OR9Q1: variants seen among roughly 807,000 people sequenced by gnomAD.
OR9Q1 encodes the protein olfactory receptor family 9 subfamily Q member 1, also known as olfactory receptor 9Q1.
For synonymous variants in OR9Q1, 153 were observed against 148.6 expected, an observed-to-expected ratio of 1.03 and a Z score of -0.22; for missense variants, 374 against 378.8, an observed-to-expected ratio of 0.99 and a Z score of 0.11.
chr11:58,147,934 T>C (rs1404574047), intron 2 of OR9Q1, among the ~76,000 whole-genome samples: 1 of 152,152 alleles, frequency 6.6e-6, no homozygotes, highest in East Asian at 1.9e-4. Flanking sequence ...TCTGGCATTG[T>C]TTTCTTTTTT....
intron 2 of OR9Q1, among the ~76,000 whole-genome samples, chr11:58,126,796 G>T (rs1854094455): frequency 6.6e-6 from 1 of 152,176 alleles, no homozygotes; most frequent in Non-Finnish European, 1.5e-5. Flanking sequence ...GAATATGCCA[G>T]TAATAAGAAT....
intron 2 of OR9Q1, among the ~76,000 whole-genome samples, chr11:58,154,352 G>T (rs1399130996): frequency 6.7e-6 from 1 of 150,312 alleles, no homozygotes; most frequent in Non-Finnish European, 1.5e-5. Flanking sequence ...AAGTGTTTTG[G>T]CTTAGCAATA....
At chr11:58,048,757 A>C in intron 1 of OR9Q1, among the ~76,000 whole-genome samples, 1 of 140,128 alleles carries the variant, frequency 7.1e-6, no homozygotes, top group Non-Finnish European at 1.5e-5. Flanking sequence ...AAAATGATAA[A>C]GGGGATATCA....
chr11:58,172,103 T>C (rs1854561085), intron 2 of OR9Q1, among the ~76,000 whole-genome samples: 1 of 152,178 alleles, frequency 6.6e-6, no homozygotes, highest in Non-Finnish European at 1.5e-5. Flanking sequence ...AGACAAAGAA[T>C]GCTTTGTTGT....
intron 2 of OR9Q1, among the ~76,000 whole-genome samples, chr11:58,121,043 T>C (rs902953213): frequency 3.3e-5 from 5 of 152,082 alleles, no homozygotes; most frequent in Non-Finnish European, 7.4e-5. Context: ...TTCTCTATTA[T>C]GACTATGTAC....
At chr11:58,163,963 C>G (rs976717096) in intron 2 of OR9Q1, among the ~76,000 whole-genome samples, 3 of 152,208 alleles carry the variant, frequency 2.0e-5, no homozygotes, top group Non-Finnish European at 2.9e-5. Flanking sequence ...GAAACCTTCT[C>G]TTTTCCTACA....
At chr11:58,175,520 C>G (rs1037937828) in intron 2 of OR9Q1, among the ~76,000 whole-genome samples, 6 of 152,068 alleles carry the variant, frequency 3.9e-5, no homozygotes, top group African/African-American at 1.4e-4. Context: ...TACTACTATC[C>G]CCATAGTAGA....
intron 2 of OR9Q1, among the ~76,000 whole-genome samples, chr11:58,151,370 C>A (rs1854349974): frequency 6.6e-6 from 1 of 152,168 alleles, no homozygotes. Context: ...CCCCAGGTAC[C>A]ACAGCTAAGT....
chr11:58,030,848 C>G, intron 1 of OR9Q1: 1 of 715,880 alleles, frequency 1.4e-6, no homozygotes, highest in Non-Finnish European at 2.5e-6. Flanking sequence ...TGTTTCTCTT[C>G]TGAAGTGAAA....
At chr11:58,101,324 G>T (rs1853781619) in intron 2 of OR9Q1, among the ~76,000 whole-genome samples, 1 of 151,874 alleles carries the variant, frequency 6.6e-6, no homozygotes, top group African/African-American at 2.4e-5. Context: ...TTTAATAATG[G>T]CTATTCTGGC....
At chr11:58,118,923 T>C in intron 2 of OR9Q1, 1 of 1,613,918 alleles carries the variant, frequency 6.2e-7, no homozygotes, top group Non-Finnish European at 8.5e-7. Flanking sequence ...AGAAGAAGTT[T>C]ATTTGATTGT....
At chr11:58,158,700 A>C (rs1316779490) in intron 2 of OR9Q1, among the ~76,000 whole-genome samples, 1 of 152,204 alleles carries the variant, frequency 6.6e-6, no homozygotes, top group Non-Finnish European at 1.5e-5. Flanking sequence ...CACCTGACTC[A>C]AGATGGGCTA....
chr11:58,099,321 A>G (rs992926922), intron 2 of OR9Q1, among the ~76,000 whole-genome samples: 1 of 148,476 alleles, frequency 6.7e-6, no homozygotes, highest in African/African-American at 2.4e-5. Context: ...TATAATATAT[A>G]AAACATATAA....
intron 2 of OR9Q1, among the ~76,000 whole-genome samples, chr11:58,165,124 C>T (rs1854489036): frequency 6.6e-6 from 1 of 152,208 alleles, no homozygotes; most frequent in Non-Finnish European, 1.5e-5. Context: ...AATGCAAGCT[C>T]ATAGGAGCAG....
At chr11:58,080,555 AG>A (rs1215398163) in intron 2 of OR9Q1, among the ~76,000 whole-genome samples, 1 of 151,992 alleles carries the variant, frequency 6.6e-6, no homozygotes, top group Admixed American at 6.6e-5. Context: ...TAGTTCCTTA[AG>A]AAATCTCCAA....
rs144136637 is a variant in OR9Q1 at position 58,159,889 on chromosome 11, G to T, written c.-14-19542G>T. Among the ~76,000 whole-genome samples the T allele has an allele frequency of 1.6e-4, 25 of 152,334 alleles. No individual in the cohort carries two copies. In the East Asian group the frequency reaches 4.3e-3, roughly 26 times the overall value. ...CTCTTCCTGCAATAAGATATTGATA[G>T]ATGCCTCCGTCAAGAGATGGGGTCT... On this transcript the variant is annotated intron_variant, in intron 2 of 2. Coordinates refer to ENST00000335397, the MANE Select transcript of OR9Q1 (RefSeq NM_001005212.4).
At chr11:58,127,682 T>G (rs868104443) in intron 2 of OR9Q1, among the ~76,000 whole-genome samples, 70 of 152,244 alleles carry the variant, frequency 4.6e-4, no homozygotes, top group African/African-American at 1.6e-3. Flanking sequence ...CAGCTGCAGG[T>G]GGGTGTACTG....
At chr11:58,032,460 A>G (rs1381582726) in intron 1 of OR9Q1, among the ~76,000 whole-genome samples, 1 of 152,146 alleles carries the variant, frequency 6.6e-6, no homozygotes, top group East Asian at 1.9e-4. Context: ...CAGAAATAAA[A>G]CTGTACATTG....
chr11:58,109,461 A>G (rs745767286), intron 2 of OR9Q1: 1 of 463,184 alleles, frequency 2.2e-6, no homozygotes, highest in South Asian at 1.5e-5. Context: ...CATCCAGGAA[A>G]GCAAGGTGGC....
Sources: gnomAD v4.1 joint callset for allele counts (sites outside exome capture counted in the v4.1 genomes callset) on GRCh38, gnomAD v4.1.1 for gene constraint, MANE v1.5 for transcripts, NCBI Gene and HGNC (gene_info 2026-07-23, HGNC 2026-07-21) for gene names.